The following ELAVL4 variants were observed in gnomAD, a reference collection of about 807,000 sequenced individuals.
ELAVL4 encodes ELAV like RNA binding protein 4, also known as ELAV-like protein 4.
ELAVL4 carries 1 observed loss-of-function variant against 35.6 expected under a neutral mutation model. That is an observed-to-expected ratio of 0.03 (90% CI 0.01 to 0.13). The LOEUF is 0.13. ELAVL4 is among the 10% of genes least tolerant of loss of function. The pLI is 1.00. For missense variants in ELAVL4, 267 were observed against 464.9 expected (o/e 0.57, Z 3.91); for synonymous variants, 156 against 171.0 (o/e 0.91, Z 0.69).
At chr1:50,086,476 T>TTATA (rs35215248) in intron 1 of ELAVL4, among the ~76,000 whole-genome samples, 6,863 of 144,314 alleles carry the variant, frequency 0.048, 174 homozygotes, top group East Asian at 0.1. Context: ...CATTCAGCTT[T>TTATA]TATATATATA....
chr1:50,113,577 A>C (rs191540647), intron 1 of ELAVL4, among the ~76,000 whole-genome samples: 60 of 152,182 alleles, frequency 3.9e-4, no homozygotes, highest in African/African-American at 1.4e-3. Flanking sequence ...GATGCTAAAC[A>C]CACGAGTATG....
intron 1 of ELAVL4, among the ~76,000 whole-genome samples, chr1:50,126,729 T>G (rs553170681): frequency 1.2e-3 from 177 of 152,236 alleles, no homozygotes; most frequent in Admixed American, 3.3e-3. Flanking sequence ...AAAGCACAGT[T>G]TATTCTCATC....
intron 2 of ELAVL4, among the ~76,000 whole-genome samples, chr1:50,152,219 G>A (rs566775804): frequency 2.2e-4 from 33 of 152,272 alleles, no homozygotes; most frequent in Non-Finnish European, 3.2e-4. Flanking sequence ...AAATCAGACA[G>A]TTCTGCCCTG....
At chr1:50,200,059 G>C (rs1644309185) in intron 6 of ELAVL4, among the ~76,000 whole-genome samples, 1 of 152,086 alleles carries the variant, frequency 6.6e-6, no homozygotes, top group Non-Finnish European at 1.5e-5. Context: ...GTGATACTTA[G>C]GAATAAATTC....
rs1678283431 is a variant in ELAVL4 at position 50,168,124 on chromosome 1, G to A, written c.251-8965G>A. Among the ~76,000 whole-genome samples, 3 of 152,282 alleles carry A rather than the reference G, an allele frequency of 2.0e-5. No individual in the cohort carries two copies. In the East Asian group the frequency reaches 5.8e-4, roughly 29 times the overall value. ...AGCTCTCCACTTTCGGGTGGTGCCT[G>A]CATAGTGTGCAGAACCATCTTTAAA... On this transcript the variant is annotated intron_variant, in intron 2 of 6. Transcript: ENST00000371824.
intron 2 of ELAVL4, among the ~76,000 whole-genome samples, chr1:50,160,837 A>C (rs1475898995): frequency 6.6e-6 from 1 of 152,204 alleles, no homozygotes; most frequent in Non-Finnish European, 1.5e-5. Flanking sequence ...CACATAACTT[A>C]TCCCTTTTGA....
rs977070994 is a variant in ELAVL4 at position 50,202,537 on chromosome 1, C to T, written c.*1359C>T. On this transcript the variant is annotated 3_prime_UTR_variant, in exon 7 of 7. Coordinates refer to ENST00000371824, the MANE Select transcript of ELAVL4 (RefSeq NM_001144774.3). ...TGCTTGAAACACTTATTTATTTAATCGCCGATGTGATGATGCCTATGGCCG... is the reference window on the plus strand; with the variant it reads ...TGCTTGAAACACTTATTTATTTAATTGCCGATGTGATGATGCCTATGGCCG... 1 of 152,004 alleles carries T rather than the reference C, an allele frequency of 6.6e-6. No homozygotes were observed. Among genetic ancestry groups the T allele is most frequent in the South Asian group, 2.1e-4 (1 of 4,816 alleles). 9.4% of individuals were successfully genotyped at this position (152,004 alleles called of 1,614,324 possible).
chr1:50,189,612 T>G (rs370810838), intron 3 of ELAVL4, among the ~76,000 whole-genome samples: 7 of 152,276 alleles, frequency 4.6e-5, no homozygotes, highest in East Asian at 1.9e-4. Flanking sequence ...ATGTTTTTTT[T>G]GTTTGTTTTT....
chr1:50,129,361 C>T (rs930334567), intron 1 of ELAVL4, among the ~76,000 whole-genome samples: 14 of 152,000 alleles, frequency 9.2e-5, no homozygotes, highest in African/African-American at 3.4e-4. Flanking sequence ...TGTGGGGAGC[C>T]GGAAAAGCCC....
intron 1 of ELAVL4, chr1:50,048,247 C>A: frequency 7.0e-7 from 1 of 1,437,280 alleles, no homozygotes; most frequent in Non-Finnish European, 9.2e-7. Context: ...CGGACACCCG[C>A]TGGGCCACGT....
At chr1:50,097,504 C>G (rs1665769131) in intron 1 of ELAVL4, among the ~76,000 whole-genome samples, 1 of 152,176 alleles carries the variant, frequency 6.6e-6, no homozygotes, top group South Asian at 2.1e-4. Flanking sequence ...CAAGAAGGTT[C>G]TGGTCCAGAG....
At chr1:50,086,484 A>G (rs1665249236) in intron 1 of ELAVL4, among the ~76,000 whole-genome samples, 1 of 150,536 alleles carries the variant, frequency 6.6e-6, no homozygotes. Context: ...TTTTATATAT[A>G]TATATATATA....
chr1:50,102,296 TAATAAAATAAAATAA>T (rs150940225), upstream of ELAVL4, among the ~76,000 whole-genome samples: 1,735 of 139,078 alleles, frequency 0.012, 12 homozygotes, highest in Middle Eastern at 0.037. Flanking sequence ...AAAAATAAAA[TAATAAAATAAAATAA>T]AATAAAATAA....
upstream of ELAVL4, among the ~76,000 whole-genome samples, chr1:50,103,353 T>C (rs966278885): frequency 6.6e-6 from 1 of 152,300 alleles, no homozygotes; most frequent in East Asian, 1.9e-4. Flanking sequence ...CTCCTTCACA[T>C]CAGTCTGGTG....
At chr1:50,182,355 C>G (rs759576019) in intron 3 of ELAVL4, among the ~76,000 whole-genome samples, 3 of 152,194 alleles carry the variant, frequency 2.0e-5, no homozygotes, top group African/African-American at 4.8e-5. Context: ...CCCACTAAAC[C>G]TTTCAGAGTG....
intron 1 of ELAVL4, among the ~76,000 whole-genome samples, chr1:50,059,523 T>A (rs137983067): frequency 2.7e-5 from 4 of 150,730 alleles, no homozygotes; most frequent in Non-Finnish European, 5.9e-5. Flanking sequence ...GGCTATGATT[T>A]AAAAAAAAAG....
chr1:50,143,928 C>A (rs1170383827), intron 1 of ELAVL4, among the ~76,000 whole-genome samples: 1 of 152,130 alleles, frequency 6.6e-6, no homozygotes, highest in African/African-American at 2.4e-5. Context: ...CCATGTTTGT[C>A]ATTCCATACA....
At chr1:50,128,304 G>C (rs1670286763) in intron 1 of ELAVL4, among the ~76,000 whole-genome samples, 1 of 152,120 alleles carries the variant, frequency 6.6e-6, no homozygotes, top group Non-Finnish European at 1.5e-5. Context: ...AGCTTTAAAA[G>C]AATGAATTCA....
intron 1 of ELAVL4, among the ~76,000 whole-genome samples, chr1:50,129,338 C>T (rs188201447): frequency 1.3e-3 from 191 of 152,182 alleles, no homozygotes; most frequent in African/African-American, 4.1e-3. Flanking sequence ...TGCTCTTCCA[C>T]CCTGAGTTTC....
Sources: gnomAD v4.1 joint callset for allele counts (sites outside exome capture counted in the v4.1 genomes callset) on GRCh38, gnomAD v4.1.1 for gene constraint, MANE v1.5 for transcripts, NCBI Gene and HGNC (gene_info 2026-07-23, HGNC 2026-07-21) for gene names.